PRRC1: variants seen among roughly 807,000 people sequenced by gnomAD.
PRRC1 encodes the protein proline rich coiled-coil 1, also known as protein PRRC1.
In PRRC1, 39 loss-of-function variants were observed where a neutral mutation model predicts 40.7. The observed-to-expected ratio is 0.96, with a 90% CI of 0.74 to 1.25. The LOEUF (loss-of-function observed/expected upper bound fraction) is 1.25. Among genes scored for constraint, PRRC1 ranks in the 50% most tolerant of loss-of-function variants. PRRC1 has a pLI of 0.00. For synonymous variants in PRRC1, 175 were observed against 193.3 expected, an observed-to-expected ratio of 0.91 and a Z score of 0.79; for missense variants, 573 against 548.3, an observed-to-expected ratio of 1.05 and a Z score of -0.45.
At chr5:127,542,356 T>G (rs1229886925) in intron 7 of PRRC1, among the ~76,000 whole-genome samples, 1 of 151,982 alleles carries the variant, frequency 6.6e-6, no homozygotes, top group African/African-American at 2.4e-5. Flanking sequence ...TTCTGTTGAT[T>G]TGGGGTGGAG....
At chr5:127,539,212 C>A in intron 7 of PRRC1, 69 bp downstream of exon 7, 4 of 1,101,818 alleles carry the variant, frequency 3.6e-6, no homozygotes, top group Admixed American at 1.9e-5. Context: ...GAATACTTAG[C>A]AAAAAGTGTC....
At chr5:127,547,309 T>C (rs1461176334) in intron 7 of PRRC1, among the ~76,000 whole-genome samples, 2 of 152,130 alleles carry the variant, frequency 1.3e-5, no homozygotes, top group Non-Finnish European at 2.9e-5. Context: ...TTGTGAATAA[T>C]TCAGAAATTG....
chr5:127,538,656 A>T (rs771961140), intron 6 of PRRC1, among the ~76,000 whole-genome samples: 4 of 152,092 alleles, frequency 2.6e-5, no homozygotes, highest in Non-Finnish European at 5.9e-5. Context: ...GAGAGAATTA[A>T]CTGCAAAACT....
intron 1 of PRRC1, among the ~76,000 whole-genome samples, chr5:127,521,790 A>T (rs530426002): frequency 1.3e-5 from 2 of 152,192 alleles, no homozygotes; most frequent in African/African-American, 4.8e-5. Flanking sequence ...TTCCCAGCTC[A>T]GTTGGTATAT....
intron 3 of PRRC1, among the ~76,000 whole-genome samples, chr5:127,525,668 A>G (rs150547295): frequency 3.3e-5 from 5 of 152,070 alleles, no homozygotes; most frequent in African/African-American, 1.2e-4. Context: ...CTCTTTATTC[A>G]TTTCTTTGGT....
In PRRC1 at chr5:127,539,027, C is replaced by A. The variant is rs776220610; in HGVS notation, c.922-13C>A. On this transcript the variant is annotated splice_polypyrimidine_tract_variant and intron_variant, in intron 6 of 8. Transcript: ENST00000296666. ...ATTTGAAATGGTCTCTAACCTCTGC[C>A]ATTGTTGTTTAGGGTGCTCAGGAAC... 2.2e-5 allele frequency: 36 copies of A among 1,601,676 alleles called. No homozygotes were observed. The highest frequency in any genetic ancestry group is 2.9e-5 in the Non-Finnish European group (34 of 1,170,030).
chr5:127,532,361 C>T (rs1015215967), intron 5 of PRRC1, among the ~76,000 whole-genome samples: 3 of 152,150 alleles, frequency 2.0e-5, no homozygotes, highest in Non-Finnish European at 4.4e-5. Context: ...CCCGCCTAGG[C>T]CTCCCAAAGT....
intron 6 of PRRC1, among the ~76,000 whole-genome samples, chr5:127,534,567 C>G (rs1767847850): frequency 6.6e-6 from 1 of 152,154 alleles, no homozygotes; most frequent in East Asian, 1.9e-4. Context: ...CACTTGATTT[C>G]TAGGATTCCA....
chr5:127,526,204 G>A (rs1193935145), intron 3 of PRRC1, among the ~76,000 whole-genome samples: 2 of 152,104 alleles, frequency 1.3e-5, no homozygotes, highest in African/African-American at 2.4e-5. Context: ...CTATATTCAT[G>A]TCTATGTATA....
At position 127,548,983 on chromosome 5, in the gene PRRC1, A is replaced by G. The variant is rs561938871; in HGVS notation, c.1128+1062A>G. ...CATACTGTTATGCCAATAAATTAGA[A>G]AAATTAGGTGAAAGAGTGGATTTTC... On this transcript the variant is annotated intron_variant, in intron 8 of 8. Transcript: ENST00000296666. 23 of 152,296 alleles carry G rather than the reference A, an allele frequency of 1.5e-4. No individual in the cohort carries two copies. The South Asian group carries it at 4.6e-3, about 30-fold the overall frequency. The allele number at this position is 152,296 out of a possible 1,614,324, so 9.4% of individuals were successfully genotyped here.
At position 127,526,696 on chromosome 5, in the gene PRRC1, C is replaced by T; in HGVS notation, c.572C>T (p.Thr191Ile). The T allele has an allele frequency of 6.2e-7, 1 of 1,613,680 alleles. No homozygotes were observed. Among genetic ancestry groups the T allele is most frequent in the Non-Finnish European group, 8.5e-7 (1 of 1,179,738 alleles). Residue 191 changes from threonine (T) to isoleucine (I), a missense_variant, in exon 4 of 9, where the codon ACT (threonine) becomes ATT (isoleucine). Transcript: ENST00000296666. Reference protein sequence around the residue: ...AQGTGTTSAITFPEEQEDPRI... With the variant: ...AQGTGTTSAIIFPEEQEDPRI... ...GGAACTGGAACCACATCAGCCATTA[C>T]TTTCCCAGAGGAGCAAGAAGACCCT...
intron 7 of PRRC1, among the ~76,000 whole-genome samples, chr5:127,544,418 C>T (rs867065811): frequency 6.6e-6 from 1 of 152,220 alleles, no homozygotes; most frequent in Non-Finnish European, 1.5e-5. Context: ...AGCTGTCAGA[C>T]AGGGACATTT....
At chr5:127,544,548 C>A (rs182752599) in intron 7 of PRRC1, among the ~76,000 whole-genome samples, 2 of 152,340 alleles carry the variant, frequency 1.3e-5, no homozygotes, top group South Asian at 2.1e-4. Flanking sequence ...TCGAGCTTCC[C>A]GGCTGTTTTG....
At position 127,538,498 on chromosome 5, in the gene PRRC1, T is replaced by G. The variant is rs1294065375; in HGVS notation, c.922-542T>G. Among the ~76,000 whole-genome samples, 4 of 152,124 alleles carry G rather than the reference T, an allele frequency of 2.6e-5. No homozygotes were observed. In the East Asian group the frequency reaches 7.7e-4, roughly 29 times the overall value. On this transcript the variant is annotated intron_variant, in intron 6 of 8. Transcript: ENST00000296666. Reference sequence around the variant, plus strand: ...GTTCATGTCTTCAATGGTAATTATTTTGTTGAATAAGCTGTGGTGTAATGT... The same window carrying G: ...GTTCATGTCTTCAATGGTAATTATTGTGTTGAATAAGCTGTGGTGTAATGT...
chr5:127,524,495 T>C, intron 2 of PRRC1, 36 bp from the exon 3 acceptor site: 1 of 1,542,486 alleles, frequency 6.5e-7, no homozygotes, highest in South Asian at 1.2e-5. Flanking sequence ...AAAACATTTC[T>C]AATTCTGTGC....
At chr5:127,532,847 T>C (rs561792196) in intron 5 of PRRC1, among the ~76,000 whole-genome samples, 2 of 152,338 alleles carry the variant, frequency 1.3e-5, no homozygotes, top group East Asian at 3.9e-4. Flanking sequence ...CGGTGATAAC[T>C]ATTAATGCCA....
intron 7 of PRRC1, among the ~76,000 whole-genome samples, chr5:127,545,636 T>TG (rs977505233): frequency 6.5e-5 from 6 of 91,700 alleles, no homozygotes; most frequent in African/African-American, 2.2e-4. Context: ...GGGACTGTTG[T>TG]GGGGTGGGGG....
At chr5:127,543,826 C>G (rs1768127951) in intron 7 of PRRC1, among the ~76,000 whole-genome samples, 1 of 152,216 alleles carries the variant, frequency 6.6e-6, no homozygotes, top group South Asian at 2.1e-4. Context: ...GAATTTCCTT[C>G]TGTAGCTCGG....
chr5:127,533,902 G>T lies in PRRC1; in HGVS notation c.921+116G>T, dbSNP rs151016769. On this transcript the variant is annotated intron_variant, in intron 6 of 8. Transcript: ENST00000296666. Reference sequence around the variant, plus strand: ...GACTTTTACATACTGAAATAACAATGAACTTTGCTTTTAGTAGACAGCCCT... The same window carrying T: ...GACTTTTACATACTGAAATAACAATTAACTTTGCTTTTAGTAGACAGCCCT... 1,681 of 1,152,456 alleles carry T rather than the reference G, an allele frequency of 1.5e-3. 22 individuals are homozygous for T. In the African/African-American group the frequency reaches 0.022, roughly 15 times the overall value. The allele number at this position is 1,152,456 out of a possible 1,614,324, so 71.4% of individuals were successfully genotyped here.
Sources: gnomAD v4.1 joint callset for allele counts (sites outside exome capture counted in the v4.1 genomes callset) on GRCh38, gnomAD v4.1.1 for gene constraint, MANE v1.5 for transcripts, NCBI Gene and HGNC (gene_info 2026-07-23, HGNC 2026-07-21) for gene names.